Variants in SLC6A6 observed in about 807,000 individuals in gnomAD.
The protein encoded by SLC6A6 is sodium- and chloride-dependent taurine transporter.
In SLC6A6, 16 loss-of-function variants were observed where a neutral mutation model predicts 68.8. That is an observed-to-expected ratio of 0.23 (90% CI 0.16 to 0.35). The LOEUF (loss-of-function observed/expected upper bound fraction) is 0.35. Among genes scored for constraint, SLC6A6 ranks in the 10% least tolerant of loss-of-function variants. The pLI is 1.00. For missense variants in SLC6A6, 474 were observed against 802.8 expected, an observed-to-expected ratio of 0.59 and a Z score of 4.95; for synonymous variants, 312 against 315.4, an observed-to-expected ratio of 0.99 and a Z score of 0.12.
intron 2 of SLC6A6, among the ~76,000 whole-genome samples, chr3:14,417,409 C>T (rs972323249): frequency 1.3e-5 from 2 of 152,022 alleles, no homozygotes; most frequent in Non-Finnish European, 2.9e-5. Context: ...CATGATGCCC[C>T]TTCACCTCAA....
rs1701157219 is a variant in SLC6A6 at position 14,486,181 on chromosome 3, C to G, written c.*1174C>G. On this transcript the variant is annotated 3_prime_UTR_variant, in exon 15 of 15. Coordinates refer to ENST00000622186, the MANE Select transcript of SLC6A6 (RefSeq NM_003043.6). ...GCCCGGTGTCGGGGAGGGGTGCTTT[C>G]TTTCCTCATCTCCCCACTCCCCACT... 1 of 152,632 alleles carries G rather than the reference C, an allele frequency of 6.6e-6. No individual in the cohort carries two copies. The highest frequency in any genetic ancestry group is 2.4e-5 in the African/African-American group (1 of 41,422). 9.5% of individuals were successfully genotyped at this position (152,632 alleles called of 1,614,324 possible). A position where few individuals can be genotyped will look rare whatever the true frequency, so the allele number is the denominator to read the frequency against.
At chr3:14,403,894 G>A (rs1368756211) in intron 1 of SLC6A6, among the ~76,000 whole-genome samples, 1 of 152,254 alleles carries the variant, frequency 6.6e-6, no homozygotes, top group African/African-American at 2.4e-5. Flanking sequence ...GCAGGGAGGT[G>A]TGTGCCGGGT....
intron 1 of SLC6A6, among the ~76,000 whole-genome samples, chr3:14,408,357 C>CA (rs1699157232): frequency 6.7e-6 from 1 of 149,480 alleles, no homozygotes; most frequent in Non-Finnish European, 1.5e-5. Context: ...TTTTTTGAGA[C>CA]AGAGTCTTGC....
chr3:14,472,852 G>A lies in SLC6A6; in HGVS notation c.1209+535G>A, dbSNP rs1700784540. On this transcript the variant is annotated intron_variant, in intron 10 of 14. Coordinates refer to ENST00000622186, the MANE Select transcript of SLC6A6 (RefSeq NM_003043.6). The surrounding 1 kb of genome is among the most constrained non-coding windows in gnomAD (Gnocchi z 4.5). ...CCACACTCAGGATTCTGTGCTCCCTGGAGCGTGCGAGGGGCTGGGCATTGG... is the reference window on the plus strand; with the variant it reads ...CCACACTCAGGATTCTGTGCTCCCTAGAGCGTGCGAGGGGCTGGGCATTGG... Among the ~76,000 whole-genome samples the A allele has an allele frequency of 6.6e-6, 1 of 152,230 alleles. No homozygotes were observed. Among genetic ancestry groups the A allele is most frequent in the African/African-American group, 2.4e-5 (1 of 41,456 alleles).
intron 5 of SLC6A6, among the ~76,000 whole-genome samples, chr3:14,454,661 G>A (rs528631413): frequency 5.9e-5 from 9 of 152,274 alleles, no homozygotes; most frequent in East Asian, 3.9e-4. Context: ...CACGTGGCCC[G>A]TTATAAAGCT....
At chr3:14,425,455 C>T (rs145781431) in intron 2 of SLC6A6, among the ~76,000 whole-genome samples, 2 of 152,006 alleles carry the variant, frequency 1.3e-5, no homozygotes, top group East Asian at 1.9e-4. Flanking sequence ...ATGTAGAACT[C>T]GGCCATCTGG....
chr3:14,431,275 GA>G (rs1234838794), intron 2 of SLC6A6, among the ~76,000 whole-genome samples: 1 of 152,222 alleles, frequency 6.6e-6, no homozygotes, highest in Non-Finnish European at 1.5e-5. Context: ...CAGAATGCCT[GA>G]CGTGGAAGGC....
chr3:14,436,072 A>G (rs1310141733), intron 2 of SLC6A6, among the ~76,000 whole-genome samples: 3 of 152,262 alleles, frequency 2.0e-5, no homozygotes, highest in Non-Finnish European at 4.4e-5. Flanking sequence ...ATACAATTCA[A>G]TGATTCAATC....
At chr3:14,451,761 C>T (rs1164586160) in intron 5 of SLC6A6, among the ~76,000 whole-genome samples, 2 of 152,178 alleles carry the variant, frequency 1.3e-5, no homozygotes, top group Non-Finnish European at 2.9e-5. Context: ...TATCTGAATC[C>T]CCCTGAAGAT....
At chr3:14,419,009 C>T (rs186009524) in intron 2 of SLC6A6, among the ~76,000 whole-genome samples, 4 of 152,194 alleles carry the variant, frequency 2.6e-5, no homozygotes, top group South Asian at 2.1e-4. Flanking sequence ...CTCCTGCTGC[C>T]GTGAGGCTGG....
chr3:14,487,918 C>G lies in SLC6A6; in HGVS notation c.*2911C>G, dbSNP rs959588887. 6.6e-6 allele frequency: 1 copy of G among 152,626 alleles called. No homozygotes were observed. Among genetic ancestry groups the G allele is most frequent in the African/African-American group, 2.4e-5 (1 of 41,428 alleles). 9.5% of individuals were successfully genotyped at this position (152,626 alleles called of 1,614,324 possible). A position where few individuals can be genotyped will look rare whatever the true frequency, so the allele number is the denominator to read the frequency against. Reference sequence around the variant, plus strand: ...GCCTTTATGGAAAAGGAAATGCGCTCCCCTCCATGTTCAGGGATGAGGGGA... The same window carrying G: ...GCCTTTATGGAAAAGGAAATGCGCTGCCCTCCATGTTCAGGGATGAGGGGA... On this transcript the variant is annotated 3_prime_UTR_variant, in exon 15 of 15. Coordinates refer to ENST00000622186, the MANE Select transcript of SLC6A6 (RefSeq NM_003043.6).
chr3:14,424,963 A>T (rs1699560832), intron 2 of SLC6A6, among the ~76,000 whole-genome samples: 1 of 152,154 alleles, frequency 6.6e-6, no homozygotes, highest in Admixed American at 6.5e-5. Context: ...GTATTTTCCC[A>T]GTGTGGCAGA....
rs1700677193 is a variant in SLC6A6 at position 14,468,505 on chromosome 3, C to T, written c.1096+293C>T. ...TCTTCCCCGCCCCCCCGTCCTTCCC[C>T]AGCAAACTCCTGGTTTCCACAATAG... is the stretch of plus-strand genomic sequence containing the variant. On this transcript the variant is annotated intron_variant, in intron 9 of 14. Coordinates refer to ENST00000622186, the MANE Select transcript of SLC6A6 (RefSeq NM_003043.6). This position sits in a 1 kb window ranked among gnomAD's most constrained non-coding sequence, Gnocchi z 4.5. Among the ~76,000 whole-genome samples the T allele has an allele frequency of 1.3e-5, 2 of 152,108 alleles. No homozygotes were observed. The highest frequency in any genetic ancestry group is 2.1e-4 in the South Asian group (1 of 4,820).
Position 14,445,521 on chromosome 3 carries a change from G to A in SLC6A6, c.230-196G>A, listed in dbSNP as rs1238789247. Among the ~76,000 whole-genome samples the A allele has an allele frequency of 4.6e-5, 7 of 152,318 alleles. No homozygotes were observed. In the East Asian group the frequency reaches 5.8e-4, roughly 13 times the overall value. On this transcript the variant is annotated intron_variant, in intron 3 of 14. Transcript: ENST00000622186. ...GGTAGATTTGAAGGTGAGAGGGAGGGCACACTGGAAAGGTGAAACCAGCTG... is the reference window on the plus strand; with the variant it reads ...GGTAGATTTGAAGGTGAGAGGGAGGACACACTGGAAAGGTGAAACCAGCTG...
intron 2 of SLC6A6, among the ~76,000 whole-genome samples, chr3:14,417,968 C>T (rs1385097317): frequency 6.6e-6 from 1 of 152,174 alleles, no homozygotes; most frequent in African/African-American, 2.4e-5. Context: ...ATTGCCTGCT[C>T]TAGGGGCTTT....
intron 2 of SLC6A6, among the ~76,000 whole-genome samples, chr3:14,424,394 A>G (rs1699544989): frequency 6.6e-6 from 1 of 152,044 alleles, no homozygotes; most frequent in Admixed American, 6.5e-5. Context: ...TTGAATATCA[A>G]AAATATGCCA....
intron 2 of SLC6A6, among the ~76,000 whole-genome samples, chr3:14,433,600 G>A (rs1398771838): frequency 2.6e-5 from 4 of 152,044 alleles, no homozygotes; most frequent in Non-Finnish European, 4.4e-5. Flanking sequence ...TCAGGAGTTT[G>A]AGACTAGCCT....
At chr3:14,479,028 G>A (rs967266791) in intron 12 of SLC6A6, 57 bp from the exon 13 acceptor site, 1 of 1,111,946 alleles carries the variant, frequency 9.0e-7, no homozygotes, top group Non-Finnish European at 1.4e-6. Flanking sequence ...CATGGCCCCT[G>A]AGCTGCTGCT....
chr3:14,434,706 C>A lies in SLC6A6; in HGVS notation c.-11-8918C>A, dbSNP rs146103817. The stretch of plus-strand genomic sequence containing the variant: ...TTTGGAGTATGGTGTGTGCCTCAAA[C>A]ACCTTCATCTGGGGCAGCGCCAGCC... On this transcript the variant is annotated intron_variant, in intron 2 of 14. Transcript: ENST00000622186. Among the ~76,000 whole-genome samples, 5 of 152,298 alleles carry A rather than the reference C, an allele frequency of 3.3e-5. No individual in the cohort carries two copies. In the Middle Eastern group the frequency reaches 0.014, roughly 414 times the overall value.
Sources: allele counts gnomAD v4.1 joint callset (sites outside exome capture counted in the v4.1 genomes callset), GRCh38; gene constraint gnomAD v4.1.1; non-coding constraint Gnocchi (gnomAD v3.1); transcripts MANE v1.5; gene names NCBI Gene and HGNC (gene_info 2026-07-23, HGNC 2026-07-21).